CBFA2T2: variants seen among roughly 807,000 people sequenced by gnomAD.
CBFA2T2 encodes the protein protein CBFA2T2.
Under a neutral mutation model 62.2 loss-of-function variants are expected in CBFA2T2, and 11 were observed. That is an observed-to-expected ratio of 0.18 (90% CI 0.11 to 0.29). The LOEUF (loss-of-function observed/expected upper bound fraction) is 0.29. CBFA2T2 is among the 10% of genes least tolerant of loss of function. The pLI, the probability that CBFA2T2 is intolerant of heterozygous loss-of-function variation, is 1.00. For missense variants in CBFA2T2, 592 were observed against 774.1 expected (o/e 0.76, Z 2.79); for synonymous variants, 295 against 287.5 (o/e 1.03, Z -0.27).
At chr20:33,566,170 G>A (rs1410083404) in intron 1 of CBFA2T2, among the ~76,000 whole-genome samples, 1 of 152,164 alleles carries the variant, frequency 6.6e-6, no homozygotes, top group Non-Finnish European at 1.5e-5. Context: ...TATCCTCCTG[G>A]TTGCTGGCTG....
At chr20:33,519,870 G>C (rs2011682598) in intron 1 of CBFA2T2, among the ~76,000 whole-genome samples, 1 of 152,076 alleles carries the variant, frequency 6.6e-6, no homozygotes, top group Non-Finnish European at 1.5e-5. Flanking sequence ...GGCTGAGCCG[G>C]GCACGGTGGC....
At chr20:33,640,277 A>G in intron 9 of CBFA2T2, 64 bp from the exon 10 acceptor site, 1 of 1,451,384 alleles carries the variant, frequency 6.9e-7, no homozygotes, top group Non-Finnish European at 9.4e-7. Flanking sequence ...CTTACTTAGA[A>G]TTGCCGTGGG....
At chr20:33,634,214 G>A (rs554519365) in intron 8 of CBFA2T2, among the ~76,000 whole-genome samples, 7 of 152,134 alleles carry the variant, frequency 4.6e-5, no homozygotes, top group African/African-American at 7.2e-5. Context: ...TGATCCACCC[G>A]CCTTGGCCTC....
intron 1 of CBFA2T2, among the ~76,000 whole-genome samples, chr20:33,521,991 G>GTA (rs143007855): frequency 4.4e-4 from 66 of 150,992 alleles, no homozygotes; most frequent in Admixed American, 2.3e-3. Flanking sequence ...ATAAATAGTA[G>GTA]TATATATATA....
At chr20:33,496,820 C>T (rs2011204267) in intron 1 of CBFA2T2, among the ~76,000 whole-genome samples, 1 of 152,122 alleles carries the variant, frequency 6.6e-6, no homozygotes, top group Non-Finnish European at 1.5e-5. Flanking sequence ...CATCCTTTTT[C>T]ACCCTATCCT....
intron 1 of CBFA2T2, 27 bp downstream of exon 1, chr20:33,490,328 C>A: frequency 7.8e-7 from 1 of 1,277,880 alleles, no homozygotes; most frequent in Non-Finnish European, 9.9e-7. Context: ...TGCGGGCGGC[C>A]GAGGGGGGCG....
rs57375754 is a variant in CBFA2T2, at chr20:33,640,397, G to A, written c.1354G>A (p.Ala452Thr). ...QAMSEVQKAVAEAEQKAFEVI... is the reference protein window; with the variant it reads ...QAMSEVQKAVTEAEQKAFEVI... ...CATGTCAGAAGTACAGAAGGCCGTC[G>A]CTGAGGCAGAGCAGAAAGCCTTTGA... Residue 452 changes from alanine to threonine, a missense_variant, in exon 10 of 11, where the codon GCT (alanine) becomes ACT (threonine). By Grantham distance (58) the Ala-to-Thr change is moderately conservative. Coordinates refer to ENST00000342704, the MANE Select transcript of CBFA2T2 (RefSeq NM_001032999.3). The A allele has an allele frequency of 3.1e-6, 5 of 1,614,256 alleles. No homozygotes were observed. Among genetic ancestry groups the A allele is most frequent in the East Asian group, 2.2e-5 (1 of 44,892 alleles).
chr20:33,643,810 TATATATA>T, intron 10 of CBFA2T2, among the ~76,000 whole-genome samples: 1 of 68,536 alleles, frequency 1.5e-5, no homozygotes, highest in Non-Finnish European at 2.7e-5. Flanking sequence ...TATATATATA[TATATATA>T]GTATATAATG....
intron 1 of CBFA2T2, among the ~76,000 whole-genome samples, chr20:33,540,130 A>G (rs1182519765): frequency 6.6e-6 from 1 of 152,244 alleles, no homozygotes; most frequent in African/African-American, 2.4e-5. Context: ...AGGGTTGCTC[A>G]TAAAACAGAA....
chr20:33,646,999 G>A lies in CBFA2T2; in HGVS notation c.*2353G>A, dbSNP rs143601231. 62 of 152,254 alleles carry A rather than the reference G, an allele frequency of 4.1e-4. No homozygotes were observed. Among genetic ancestry groups the A allele is most frequent in the Middle Eastern group, 3.4e-3 (1 of 294 alleles). 9.4% of individuals were successfully genotyped at this position (152,254 alleles called of 1,614,324 possible). A position where few individuals can be genotyped will look rare whatever the true frequency, so the allele number is the denominator to read the frequency against. Reference sequence around the variant, plus strand: ...ATTTCCATTGCCTAAAGTAAGGTGTGACCAGTGAAACAACAGCAGAGAATC... The same window carrying A: ...ATTTCCATTGCCTAAAGTAAGGTGTAACCAGTGAAACAACAGCAGAGAATC... On this transcript the variant is annotated 3_prime_UTR_variant, in exon 11 of 11. Coordinates refer to ENST00000342704, the MANE Select transcript of CBFA2T2 (RefSeq NM_001032999.3).
intron 1 of CBFA2T2, chr20:33,574,197 G>A (rs749796013): frequency 3.1e-6 from 5 of 1,613,254 alleles, no homozygotes; most frequent in Non-Finnish European, 4.2e-6. Flanking sequence ...AGATCACCAG[G>A]TGAATGGCTA....
At chr20:33,550,036 T>G (rs2012695341) in intron 1 of CBFA2T2, among the ~76,000 whole-genome samples, 1 of 152,138 alleles carries the variant, frequency 6.6e-6, no homozygotes, top group African/African-American at 2.4e-5. Flanking sequence ...CTTATAGAAT[T>G]TGGACAGTTT....
intron 1 of CBFA2T2, among the ~76,000 whole-genome samples, chr20:33,565,519 C>T (rs1220629679): frequency 5.3e-5 from 8 of 152,022 alleles, no homozygotes; most frequent in Admixed American, 3.9e-4. Context: ...ACTTTGGATG[C>T]TAGAGTTTCA....
chr20:33,618,586 A>G (rs1412484806), intron 3 of CBFA2T2: 2 of 152,236 alleles, frequency 1.3e-5, no homozygotes, highest in African/African-American at 4.8e-5. Flanking sequence ...CATAATGCAT[A>G]CAGGCCACTT....
At position 33,490,156 on chromosome 20, in the gene CBFA2T2, A is replaced by G. The variant is rs1337234454; in HGVS notation, c.-112A>G. On this transcript the variant is annotated 5_prime_UTR_variant, in exon 1 of 11. Coordinates refer to ENST00000342704, the MANE Select transcript of CBFA2T2 (RefSeq NM_001032999.3). Reference sequence around the variant, plus strand: ...TGTCTGGTTAGCTCGGCGGCTGCAGATCTCGCGGCGACGCCTGCGAGGGAC... The same window carrying G: ...TGTCTGGTTAGCTCGGCGGCTGCAGGTCTCGCGGCGACGCCTGCGAGGGAC... The G allele has an allele frequency of 7.3e-6, 8 of 1,088,678 alleles. No homozygotes were observed. The Admixed American group carries it at 3.7e-4, about 50-fold the overall frequency. The allele number at this position is 1,088,678 out of a possible 1,614,324, so 67.4% of individuals were successfully genotyped here.
At chr20:33,504,475 TCACGGCAGC>T (rs2011365787) in intron 1 of CBFA2T2, among the ~76,000 whole-genome samples, 1 of 143,842 alleles carries the variant, frequency 7.0e-6, no homozygotes, top group Admixed American at 9.1e-5. Context: ...GTGGCATGGC[TCACGGCAGC>T]CTCCGCCTCC....
At chr20:33,595,544 CA>C (rs2014848614) in intron 1 of CBFA2T2, among the ~76,000 whole-genome samples, 1 of 151,142 alleles carries the variant, frequency 6.6e-6, no homozygotes, top group Non-Finnish European at 1.5e-5. Context: ...TTTTAATTTT[CA>C]TTTTTTTTTT....
chr20:33,616,290 T>C (rs952743845), intron 3 of CBFA2T2, among the ~76,000 whole-genome samples: 3 of 152,200 alleles, frequency 2.0e-5, no homozygotes, highest in South Asian at 2.1e-4. Flanking sequence ...TTGCCTGATA[T>C]GGTTGTCACT....
chr20:33,626,084 A>G (rs1431227584), intron 6 of CBFA2T2, among the ~76,000 whole-genome samples: 1 of 152,096 alleles, frequency 6.6e-6, no homozygotes, highest in Non-Finnish European at 1.5e-5. Flanking sequence ...CCTGGGCAAC[A>G]GAGCAAGACT....
Sources: allele counts gnomAD v4.1 joint callset (sites outside exome capture counted in the v4.1 genomes callset), GRCh38; gene constraint gnomAD v4.1.1; transcripts MANE v1.5; gene names NCBI Gene and HGNC (gene_info 2026-07-23, HGNC 2026-07-21).